ADGRF5: variants seen among roughly 807,000 people sequenced by gnomAD.
ADGRF5 encodes G-protein coupled receptor 116.
Under a neutral mutation model 132.3 loss-of-function variants are expected in ADGRF5, and 75 were observed. The ratio of observed to expected loss-of-function variants is 0.57; its 90% CI spans 0.47 to 0.69. The LOEUF (loss-of-function observed/expected upper bound fraction) is 0.69, where lower values mean the gene tolerates loss of function less well. Among genes scored for constraint, ADGRF5 ranks in the 30% least tolerant of loss-of-function variants. The pLI, the probability that ADGRF5 is intolerant of heterozygous loss-of-function variation, is 0.00. For synonymous variants in ADGRF5, 629 were observed against 597.6 expected, an observed-to-expected ratio of 1.05 and a Z score of -0.77; for missense variants, 1,516 against 1,630.6, an observed-to-expected ratio of 0.93 and a Z score of 1.21.
chr6:46,890,830 T>C (rs1254537159), intron 3 of ADGRF5, among the ~76,000 whole-genome samples: 1 of 152,240 alleles, frequency 6.6e-6, no homozygotes, highest in African/African-American at 2.4e-5. Context: ...TAAAATTCTA[T>C]GTTAAAAGGG....
intron 9 of ADGRF5, 85 bp downstream of exon 9, chr6:46,879,733 T>C (rs989699396): frequency 1.6e-5 from 15 of 916,946 alleles, no homozygotes; most frequent in African/African-American, 9.7e-5. Context: ...ACTATCTACA[T>C]AGCTACGTAA....
At chr6:46,860,689 C>T (rs982703715) in intron 16 of ADGRF5, 26 bp downstream of exon 16, 1 of 1,584,128 alleles carries the variant, frequency 6.3e-7, no homozygotes, top group Non-Finnish European at 8.6e-7. Flanking sequence ...AGACCCAAAA[C>T]TCCTGCAAAG....
chr6:46,917,873 T>C (rs1776563911), intron 1 of ADGRF5, among the ~76,000 whole-genome samples: 1 of 152,248 alleles, frequency 6.6e-6, no homozygotes, highest in Admixed American at 6.5e-5. Flanking sequence ...CTTGTGCACA[T>C]GTACCCCAGA....
chr6:46,924,770 C>T (rs960451286), upstream of ADGRF5, among the ~76,000 whole-genome samples: 1 of 152,224 alleles, frequency 6.6e-6, no homozygotes, highest in Non-Finnish European at 1.5e-5. Flanking sequence ...CATCTCCATC[C>T]TTCCAGTTAC....
intron 14 of ADGRF5, 78 bp downstream of exon 14, chr6:46,864,964 G>T (rs1001662338): frequency 2.2e-6 from 2 of 929,802 alleles, no homozygotes; most frequent in Admixed American, 2.1e-5. Flanking sequence ...TATTGAATGG[G>T]GATGAATGAG....
intron 1 of ADGRF5, among the ~76,000 whole-genome samples, chr6:46,913,236 G>A (rs1245170326): frequency 3.9e-5 from 6 of 152,110 alleles, no homozygotes; most frequent in African/African-American, 7.2e-5. Context: ...GGTGTCTCAC[G>A]CCTTTAATCC....
In ADGRF5 at chr6:46,932,488, T is replaced by C. The variant is rs142605438; in HGVS notation, c.-25+22246A>G. On this transcript the variant is annotated intron_variant, in intron 1 of 20. Transcript: ENST00000265417. ...CACAGCATGGTTGTGGTTGCTAGTA[T>C]ATCCACACAAGGGTTTTCTGTGCAC... is the stretch of plus-strand genomic sequence containing the variant. Among the ~76,000 whole-genome samples, 1,051 of 152,298 alleles carry C rather than the reference T, an allele frequency of 6.9e-3. 10 individuals are homozygous for C. The highest frequency in any genetic ancestry group is 0.024 in the African/African-American group (990 of 41,550).
chr6:46,946,329 G>A (rs1778300815), intron 1 of ADGRF5, among the ~76,000 whole-genome samples: 1 of 152,220 alleles, frequency 6.6e-6, no homozygotes, highest in Non-Finnish European at 1.5e-5. Context: ...CAGTAAATGA[G>A]TTGGATTTGA....
intron 2 of ADGRF5, 114 bp downstream of exon 2, chr6:46,906,547 G>GT (rs1220683691): frequency 3.0e-6 from 2 of 673,660 alleles, no homozygotes; most frequent in South Asian, 3.6e-5. Context: ...TGGGAAGAAT[G>GT]TTTTTTCTCC....
intron 1 of ADGRF5, among the ~76,000 whole-genome samples, chr6:46,945,894 G>A (rs577031237): frequency 1.3e-5 from 2 of 152,258 alleles, no homozygotes; most frequent in Admixed American, 6.5e-5. Flanking sequence ...TTGTTCAGGG[G>A]AACTCCCATT....
At chr6:46,860,516 TAAA>T (rs1159301729) in intron 16 of ADGRF5, among the ~76,000 whole-genome samples, 196 bp downstream of exon 16, 7 of 152,212 alleles carry the variant, frequency 4.6e-5, no homozygotes, top group African/African-American at 1.7e-4. Flanking sequence ...GATTCACTAA[TAAA>T]TATTCTTAAG....
chr6:46,914,604 G>C (rs1057137512), intron 1 of ADGRF5, among the ~76,000 whole-genome samples: 1 of 152,082 alleles, frequency 6.6e-6, no homozygotes, highest in Non-Finnish European at 1.5e-5. Flanking sequence ...TGTGGGCGGC[G>C]TTGATAACCT....
intron 10 of ADGRF5, among the ~76,000 whole-genome samples, chr6:46,877,301 C>G (rs1254344904): frequency 1.1e-5 from 1 of 95,138 alleles, no homozygotes; most frequent in Non-Finnish European, 2.3e-5. Flanking sequence ...CTCTCTCTCT[C>G]TCTCTTTCCT....
intron 1 of ADGRF5, among the ~76,000 whole-genome samples, chr6:46,944,887 A>G (rs1398106760): frequency 6.6e-6 from 1 of 152,126 alleles, no homozygotes; most frequent in African/African-American, 2.4e-5. Context: ...TCTGGGAGAC[A>G]GGAGGTTGGG....
At chr6:46,918,212 G>A (rs1776592339) in intron 1 of ADGRF5, among the ~76,000 whole-genome samples, 1 of 152,184 alleles carries the variant, frequency 6.6e-6, no homozygotes. Flanking sequence ...TAGCTAATAT[G>A]TATATTTAAC....
intron 1 of ADGRF5, among the ~76,000 whole-genome samples, chr6:46,935,049 G>C (rs2150938723): frequency 7.0e-6 from 1 of 143,808 alleles, no homozygotes; most frequent in South Asian, 2.3e-4. Flanking sequence ...TGTTGCCCAG[G>C]CTGGAATGCA....
intron 1 of ADGRF5, among the ~76,000 whole-genome samples, chr6:46,910,832 CT>C (rs1775874130): frequency 1.3e-5 from 2 of 152,152 alleles, no homozygotes; most frequent in East Asian, 1.9e-4. Flanking sequence ...CACTTTATCT[CT>C]CTGAGCCTGT....
At chr6:46,940,770 C>T (rs1354936574) in intron 1 of ADGRF5, among the ~76,000 whole-genome samples, 1 of 152,048 alleles carries the variant, frequency 6.6e-6, no homozygotes, top group Admixed American at 6.5e-5. Flanking sequence ...ATATTTTGAC[C>T]CCTTACAGAC....
At chr6:46,867,955 A>G (rs1770632269) in intron 12 of ADGRF5, among the ~76,000 whole-genome samples, 1 of 152,210 alleles carries the variant, frequency 6.6e-6, no homozygotes, top group South Asian at 2.1e-4. Flanking sequence ...AGTAGGAAAG[A>G]GTAATTGGAC....
Sources: allele counts gnomAD v4.1 joint callset (sites outside exome capture counted in the v4.1 genomes callset), GRCh38; gene constraint gnomAD v4.1.1; transcripts MANE v1.5; gene names NCBI Gene and HGNC (gene_info 2026-07-23, HGNC 2026-07-21).